The following LIMS1 variants were observed in gnomAD, a reference collection of about 807,000 sequenced individuals.
LIMS1 encodes the protein LIM zinc finger domain containing 1.
A neutral mutation model predicts 44.1 loss-of-function variants in LIMS1; 18 were observed. That is an observed-to-expected ratio of 0.41 (90% CI 0.28 to 0.61). The LOEUF (loss-of-function observed/expected upper bound fraction) is 0.61, where lower values mean the gene tolerates loss of function less well. LIMS1 is among the 20% of genes least tolerant of loss of function. LIMS1 has a pLI of 0.32. For synonymous variants in LIMS1, 93 were observed against 149.1 expected (o/e 0.62, Z 2.74); for missense variants, 201 against 422.0 (o/e 0.48, Z 4.59).
intron 1 of LIMS1, among the ~76,000 whole-genome samples, chr2:108,610,375 T>C (rs908123777): frequency 2.6e-5 from 4 of 152,070 alleles, no homozygotes; most frequent in African/African-American, 4.8e-5. Flanking sequence ...AATATAAAAA[T>C]AGAAGAAACA....
At chr2:108,637,500 A>G (rs896225087) in intron 1 of LIMS1, among the ~76,000 whole-genome samples, 3 of 152,220 alleles carry the variant, frequency 2.0e-5, no homozygotes, top group African/African-American at 4.8e-5. Flanking sequence ...GGTGTTATTT[A>G]GAGCCAGATA....
intron 1 of LIMS1, chr2:108,621,416 G>GCCCCCC (rs994226618): frequency 6.4e-7 from 1 of 1,551,154 alleles, no homozygotes; most frequent in East Asian, 2.4e-5. Flanking sequence ...AGACGAGATC[G>GCCCCCC]CCCCGATAGT....
chr2:108,631,712 G>A (rs1688933980), intron 1 of LIMS1, among the ~76,000 whole-genome samples: 1 of 152,162 alleles, frequency 6.6e-6, no homozygotes, highest in Admixed American at 6.5e-5. Flanking sequence ...AGGCTGTGAT[G>A]CGTACGGCAT....
At chr2:108,542,394 C>T (rs1165052973) in intron 1 of LIMS1, among the ~76,000 whole-genome samples, 7 of 152,092 alleles carry the variant, frequency 4.6e-5, no homozygotes, top group Non-Finnish European at 7.4e-5. Flanking sequence ...ACAGCCACAC[C>T]ACGAAGTAGG....
At chr2:108,677,110 C>G (rs1044800800) in intron 7 of LIMS1, among the ~76,000 whole-genome samples, 18 of 152,196 alleles carry the variant, frequency 1.2e-4, no homozygotes, top group Admixed American at 9.8e-4. Context: ...CCATTTATTC[C>G]AGTTTTGTCA....
chr2:108,613,560 C>T (rs1284527216), intron 1 of LIMS1, among the ~76,000 whole-genome samples: 1 of 152,136 alleles, frequency 6.6e-6, no homozygotes, highest in Non-Finnish European at 1.5e-5. Flanking sequence ...CCCTGGCTAG[C>T]TCAAGCTGCT....
At chr2:108,614,264 C>T (rs942894826) in intron 1 of LIMS1, among the ~76,000 whole-genome samples, 3 of 152,210 alleles carry the variant, frequency 2.0e-5, no homozygotes, top group Admixed American at 6.5e-5. Flanking sequence ...GCGCCTCCTC[C>T]ACGCGAACTG....
chr2:108,605,148 T>G (rs542140087), intron 1 of LIMS1, among the ~76,000 whole-genome samples: 2 of 152,190 alleles, frequency 1.3e-5, no homozygotes, highest in East Asian at 3.9e-4. Context: ...CTGGAATCAT[T>G]TCTGGAGAGC....
At chr2:108,587,329 T>C (rs1573379868) in intron 1 of LIMS1, among the ~76,000 whole-genome samples, 2 of 145,778 alleles carry the variant, frequency 1.4e-5, no homozygotes, top group South Asian at 4.2e-4. Flanking sequence ...TGTGTGTGTG[T>C]GTGTGTGTGT....
chr2:108,571,086 T>C (rs541321534), intron 1 of LIMS1, among the ~76,000 whole-genome samples: 1 of 152,320 alleles, frequency 6.6e-6, no homozygotes, highest in South Asian at 2.1e-4. Flanking sequence ...TATTATTACG[T>C]ATACTGTTTA....
intron 8 of LIMS1, among the ~76,000 whole-genome samples, chr2:108,679,481 CA>C (rs1373143695): frequency 6.6e-6 from 1 of 151,292 alleles, no homozygotes; most frequent in African/African-American, 2.4e-5. Flanking sequence ...AACTTCGTCT[CA>C]AAAAAAATAA....
At chr2:108,538,678 A>G (rs1048513099) in intron 1 of LIMS1, among the ~76,000 whole-genome samples, 1 of 152,226 alleles carries the variant, frequency 6.6e-6, no homozygotes, top group African/African-American at 2.4e-5. Flanking sequence ...CTATTCTGCA[A>G]TTGCTTTTTT....
intron 1 of LIMS1, among the ~76,000 whole-genome samples, chr2:108,564,709 C>A (rs1243740848): frequency 2.0e-5 from 3 of 151,644 alleles, no homozygotes; most frequent in Admixed American, 2.0e-4. Context: ...ATTTAGTATA[C>A]AATTAAGTTC....
chr2:108,660,173 A>G (rs531585030), intron 2 of LIMS1: 8 of 483,244 alleles, frequency 1.7e-5, no homozygotes, highest in African/African-American at 7.9e-5. Flanking sequence ...GACCTGCTCT[A>G]AAGGAGAGCG....
chr2:108,653,217 CAT>C (rs1690621818), intron 1 of LIMS1, among the ~76,000 whole-genome samples: 1 of 150,980 alleles, frequency 6.6e-6, no homozygotes, highest in African/African-American at 2.4e-5. Flanking sequence ...CATTTTCTCA[CAT>C]AGGGATTAAC....
chr2:108,568,853 C>A (rs930978355), intron 1 of LIMS1, among the ~76,000 whole-genome samples: 1 of 152,010 alleles, frequency 6.6e-6, no homozygotes, highest in East Asian at 1.9e-4. Flanking sequence ...CTGTTAAATT[C>A]TTTGCCCATG....
intron 1 of LIMS1, among the ~76,000 whole-genome samples, chr2:108,549,247 T>A (rs1684593414): frequency 1.3e-5 from 2 of 150,842 alleles, no homozygotes; most frequent in Non-Finnish European, 3.0e-5. Flanking sequence ...AGACATGGAT[T>A]ATTTCAATAA....
chr2:108,594,267 G>A (rs1037550458), intron 1 of LIMS1, among the ~76,000 whole-genome samples: 58 of 152,018 alleles, frequency 3.8e-4, no homozygotes, highest in African/African-American at 1.3e-3. Flanking sequence ...TGATTAGAGT[G>A]GAGAAAAAGG....
intron 1 of LIMS1, chr2:108,655,028 T>C: frequency 6.2e-7 from 1 of 1,611,862 alleles, no homozygotes; most frequent in South Asian, 1.1e-5. Flanking sequence ...CCTGGCTCTG[T>C]GTCCTGCCAT....
Sources: gnomAD v4.1 joint callset for allele counts (sites outside exome capture counted in the v4.1 genomes callset) on GRCh38, gnomAD v4.1.1 for gene constraint, MANE v1.5 for transcripts, NCBI Gene and HGNC (gene_info 2026-07-23, HGNC 2026-07-21) for gene names.